The following ATRNL1 variants were observed in gnomAD, a reference collection of about 807,000 sequenced individuals.
ATRNL1 encodes the protein attractin like 1, also known as attractin-like protein 1.
In ATRNL1, 95 loss-of-function variants were observed where a neutral mutation model predicts 182.7. The ratio of observed to expected loss-of-function variants is 0.52; its 90% confidence interval spans 0.44 to 0.62. The LOEUF (loss-of-function observed/expected upper bound fraction) is 0.62. Among genes scored for constraint, ATRNL1 ranks in the 20% least tolerant of loss-of-function variants. The probability of loss-of-function intolerance (pLI) is 0.00; values close to 1 mark genes in which losing one functional copy is unlikely to be tolerated. For missense variants in ATRNL1, 1,471 were observed against 1,679.5 expected (o/e 0.88, Z 2.17); for synonymous variants, 576 against 568.3 (o/e 1.01, Z -0.19).
At chr10:115,242,180 G>A (rs1366967572) in intron 10 of ATRNL1, among the ~76,000 whole-genome samples, 2 of 151,894 alleles carry the variant, frequency 1.3e-5, no homozygotes, top group African/African-American at 2.4e-5. Flanking sequence ...GAATCTGATA[G>A]AACTAGAGAA....
intron 19 of ATRNL1, among the ~76,000 whole-genome samples, chr10:115,354,204 T>C (rs1424681970): frequency 2.0e-5 from 3 of 152,166 alleles, no homozygotes; most frequent in African/African-American, 4.8e-5. Flanking sequence ...ACAATTCTTC[T>C]TCTAATGTTG....
At chr10:115,731,103 T>A (rs1351598147) in intron 27 of ATRNL1, among the ~76,000 whole-genome samples, 2 of 152,164 alleles carry the variant, frequency 1.3e-5, no homozygotes, top group Non-Finnish European at 2.9e-5. Context: ...ACTCAAATGT[T>A]AATCTTCTTT....
At chr10:115,234,115 C>T (rs1391524117) in intron 9 of ATRNL1, among the ~76,000 whole-genome samples, 1 of 151,808 alleles carries the variant, frequency 6.6e-6, no homozygotes, top group Non-Finnish European at 1.5e-5. Flanking sequence ...CTGATGTTTT[C>T]TTCAGGGTGT....
intron 27 of ATRNL1, among the ~76,000 whole-genome samples, chr10:115,802,687 C>CT (rs1268746974): frequency 6.6e-6 from 1 of 152,130 alleles, no homozygotes; most frequent in Non-Finnish European, 1.5e-5. Flanking sequence ...TATCTCTTGC[C>CT]TTGTGGGACT....
intron 19 of ATRNL1, among the ~76,000 whole-genome samples, chr10:115,353,327 C>T (rs1856353819): frequency 6.6e-6 from 1 of 152,166 alleles, no homozygotes; most frequent in African/African-American, 2.4e-5. Flanking sequence ...TAATGACCTT[C>T]TTTGACTCTT....
chr10:115,686,139 G>C lies in ATRNL1; in HGVS notation c.3796-41109G>C, dbSNP rs57378366. Among the ~76,000 whole-genome samples the C allele has an allele frequency of 4.5e-3, 689 of 151,794 alleles. 8 individuals are homozygous for C. The highest frequency in any genetic ancestry group is 0.016 in the African/African-American group (646 of 41,476). On this transcript the variant is annotated intron_variant, in intron 26 of 28. Transcript: ENST00000355044. ...TTTAAAATAGCTTAGCATTTTATTT[G>C]AATATGAATAGCATTTGTTCTATTT...
intron 27 of ATRNL1, among the ~76,000 whole-genome samples, chr10:115,730,024 AG>A (rs1387060158): frequency 6.6e-6 from 1 of 151,944 alleles, no homozygotes; most frequent in Non-Finnish European, 1.5e-5. Flanking sequence ...TGGGAGGCCG[AG>A]GTGGGTAGAT....
intron 15 of ATRNL1, among the ~76,000 whole-genome samples, chr10:115,296,718 A>C (rs1351327484): frequency 6.6e-6 from 1 of 152,178 alleles, no homozygotes; most frequent in Non-Finnish European, 1.5e-5. Flanking sequence ...TAGGGTAAAG[A>C]AAAACTATAC....
intron 19 of ATRNL1, among the ~76,000 whole-genome samples, chr10:115,389,523 T>G (rs1843860482): frequency 8.6e-6 from 1 of 116,334 alleles, no homozygotes; most frequent in Admixed American, 9.5e-5. Context: ...AGCTGAATAG[T>G]ATTCAAATGT....
chr10:115,306,870 G>T (rs1293735939), intron 17 of ATRNL1, among the ~76,000 whole-genome samples: 4 of 152,058 alleles, frequency 2.6e-5, no homozygotes, highest in African/African-American at 9.7e-5. Flanking sequence ...TGTTGTAACT[G>T]ATTTTTTTTG....
chr10:115,137,697 T>A (rs916525047), intron 5 of ATRNL1, among the ~76,000 whole-genome samples: 1 of 152,168 alleles, frequency 6.6e-6, no homozygotes, highest in Non-Finnish European at 1.5e-5. Flanking sequence ...AGTTACCTCC[T>A]ACTGGGTCCC....
rs1259638135 is a variant in ATRNL1 at position 115,572,112 on chromosome 10, A to G, written c.3795+22576A>G. Among the ~76,000 whole-genome samples, 3 of 152,264 alleles carry G rather than the reference A, an allele frequency of 2.0e-5. No individual in the cohort carries two copies. In the East Asian group the frequency reaches 5.8e-4, roughly 29 times the overall value. ...TTGGGGGTGATGGAAATGTTCTAAA[A>G]TTAGATTGTGTAATGACAGTTATAT... On this transcript the variant is annotated intron_variant, in intron 26 of 28. Transcript: ENST00000355044.
At chr10:115,907,905 A>C (rs2134511103) in intron 28 of ATRNL1, among the ~76,000 whole-genome samples, 1 of 152,288 alleles carries the variant, frequency 6.6e-6, no homozygotes, top group Non-Finnish European at 1.5e-5. Context: ...CTCTGTACAC[A>C]CTAGCTATAC....
At chr10:115,192,910 A>G (rs1376830087) in intron 8 of ATRNL1, among the ~76,000 whole-genome samples, 2 of 151,462 alleles carry the variant, frequency 1.3e-5, no homozygotes, top group African/African-American at 4.8e-5. Flanking sequence ...GTTTTTTTGT[A>G]TCTTGATTTT....
At chr10:115,260,365 G>A (rs541984494) in intron 10 of ATRNL1, among the ~76,000 whole-genome samples, 6 of 152,282 alleles carry the variant, frequency 3.9e-5, no homozygotes, top group African/African-American at 1.2e-4. Context: ...TTCCAGGCAG[G>A]AGACTGGAAA....
chr10:115,731,461 CTT>C (rs1379509428), intron 27 of ATRNL1, among the ~76,000 whole-genome samples: 4 of 151,970 alleles, frequency 2.6e-5, no homozygotes, highest in African/African-American at 9.7e-5. Flanking sequence ...ACTCAGTTCT[CTT>C]AATAACTAGC....
At chr10:115,871,068 CTT>C (rs1227700946) in intron 28 of ATRNL1, among the ~76,000 whole-genome samples, 2 of 151,978 alleles carry the variant, frequency 1.3e-5, no homozygotes, top group African/African-American at 2.4e-5. Flanking sequence ...AAAAGGAATG[CTT>C]TTTTTCAACT....
chr10:115,497,949 C>T (rs1849636055), intron 24 of ATRNL1, among the ~76,000 whole-genome samples: 1 of 152,132 alleles, frequency 6.6e-6, no homozygotes, highest in African/African-American at 2.4e-5. Flanking sequence ...AGGCATTACA[C>T]CTGGCCTACT....
Position 115,462,029 on chromosome 10 carries a change from A to C in ATRNL1, c.3411A>C (p.Pro1137=), listed in dbSNP as rs149442348. 6.3e-7 allele frequency: 1 copy of C among 1,599,610 alleles called. No individual in the cohort carries two copies. The highest frequency in any genetic ancestry group is 8.5e-7 in the Non-Finnish European group (1 of 1,171,818). Residue 1137 remains proline (P), a synonymous_variant, in exon 22 of 29, where the codon CCA becomes CCC. Transcript: ENST00000355044. ...HHTAINFIAN[P]EQSNKNLDIS... ...CTGCCATAAACTTTATAGCAAACCC[A>C]GAACAGGTGAGGAAAAATTGTTATC...
Sources: gnomAD v4.1 joint callset for allele counts (sites outside exome capture counted in the v4.1 genomes callset) on GRCh38, gnomAD v4.1.1 for gene constraint, MANE v1.5 for transcripts, NCBI Gene and HGNC (gene_info 2026-07-23, HGNC 2026-07-21) for gene names.